Variants in CLIC6 observed in about 807,000 individuals in gnomAD.
CLIC6 encodes CLIC family member 6.
A neutral mutation model predicts 49.2 loss-of-function variants in CLIC6; 39 were observed. The ratio of observed to expected loss-of-function variants is 0.79; its 90% CI spans 0.61 to 1.04. CLIC6 has a LOEUF of 1.04. Ranked by LOEUF, CLIC6 falls within the 50% of genes least tolerant of loss-of-function variation. CLIC6 has a pLI of 0.00. For missense variants in CLIC6, 988 were observed against 993.1 expected, an observed-to-expected ratio of 0.99 and a Z score of 0.07; for synonymous variants, 446 against 433.4, an observed-to-expected ratio of 1.03 and a Z score of -0.36.
At chr21:34,714,064 C>T (rs775497994) in intron 5 of CLIC6, among the ~76,000 whole-genome samples, 67 of 152,122 alleles carry the variant, frequency 4.4e-4, no homozygotes, top group Admixed American at 6.5e-4. Flanking sequence ...AGGCAATTAC[C>T]GTTTTGACCT....
Position 34,670,302 on chromosome 21 carries a change from C to A in CLIC6, c.914C>A (p.Ser305Ter), listed in dbSNP as rs1386831475. ...EPQQSGDGSL[S>*]PQAEAIEVAA... ...CAGCAATCGGGGGACGGCAGCCTCT[C>A]GCCCCAGGCCGAGGCAATTGAGGTC... The change falls in exon 1 of 6, where the codon TCG becomes TAG. Residue 305 changes from serine (S) to a stop codon, truncating the protein, a stop_gained. Transcript: ENST00000349499. LOFTEE classifies it high-confidence loss of function. 6.9e-7 allele frequency: 1 copy of A among 1,441,296 alleles called. No individual in the cohort carries two copies. The highest frequency in any genetic ancestry group is 9.1e-7 in the Non-Finnish European group (1 of 1,100,584). 89.3% of individuals were successfully genotyped at this position (1,441,296 alleles called of 1,614,324 possible).
At chr21:34,690,306 G>A (rs562233227) in intron 1 of CLIC6, among the ~76,000 whole-genome samples, 9 of 152,146 alleles carry the variant, frequency 5.9e-5, no homozygotes, top group South Asian at 2.1e-4. Context: ...TTTTCTTCTC[G>A]AAATAGACAA....
At position 34,669,925 on chromosome 21, in the gene CLIC6, C is replaced by A; in HGVS notation, c.537C>A (p.Ser179Arg). ...NIEAEGPAGDSVEAEGRVGDS... is the reference protein window; with the variant it reads ...NIEAEGPAGDRVEAEGRVGDS... The stretch of plus-strand genomic sequence containing the variant: ...AAGCGGAGGGCCCGGCGGGCGACAG[C>A]GTAGAGGCGGAGGGCCGGGTGGGGG... The change falls in exon 1 of 6, where the codon AGC becomes AGA. Residue 179 changes from serine (S) to arginine (R), a missense_variant. Ser to Arg is a moderately radical substitution (Grantham distance 110). Coordinates refer to ENST00000349499, the MANE Select transcript of CLIC6 (RefSeq NM_053277.3). 3.1e-6 allele frequency: 4 copies of A among 1,293,788 alleles called. No homozygotes were observed. Among genetic ancestry groups the A allele is most frequent in the South Asian group, 1.8e-5 (1 of 56,454 alleles). The allele number at this position is 1,293,788 out of a possible 1,614,324, so 80.1% of individuals were successfully genotyped here.
At chr21:34,680,732 A>G (rs1989762183) in intron 1 of CLIC6, among the ~76,000 whole-genome samples, 1 of 152,172 alleles carries the variant, frequency 6.6e-6, no homozygotes, top group African/African-American at 2.4e-5. Flanking sequence ...AGTCACCTTT[A>G]TTTCAACTCC....
intron 1 of CLIC6, among the ~76,000 whole-genome samples, chr21:34,677,373 A>C (rs1989693523): frequency 6.6e-6 from 1 of 152,244 alleles, no homozygotes; most frequent in Non-Finnish European, 1.5e-5. Context: ...CTTTTGCCCC[A>C]GCTGGTACTA....
Position 34,716,862 on chromosome 21 carries a change from T to TCTCTCTCTCTCACACA in CLIC6, c.*381_*382insTCTCTCTCTCACACAC. The TCTCTCTCTCTCACACA allele has an allele frequency of 1.7e-4, 23 of 131,720 alleles. No homozygotes were observed. The highest frequency in any genetic ancestry group is 7.0e-4 in the African/African-American group (22 of 31,296). 8.2% of individuals were successfully genotyped at this position (131,720 alleles called of 1,614,324 possible). A position where few individuals can be genotyped will look rare whatever the true frequency, so the allele number is the denominator to read the frequency against. ...CTCTCTCTCTCTCTCTCTCTCTCTATCACACACACACACACACACACACAC... is the reference window on the plus strand; with the variant it reads ...CTCTCTCTCTCTCTCTCTCTCTCTATCTCTCTCTCTCACACACACACACACACACACACACACACAC... On this transcript the variant is annotated 3_prime_UTR_variant, in exon 6 of 6. Transcript: ENST00000349499.
intron 5 of CLIC6, among the ~76,000 whole-genome samples, chr21:34,715,231 C>T (rs939026300): frequency 3.3e-5 from 5 of 152,228 alleles, no homozygotes; most frequent in African/African-American, 1.2e-4. Flanking sequence ...GCCCTCCTCC[C>T]AATTCCTGTG....
chr21:34,671,224 A>G (rs1989562648), intron 1 of CLIC6, among the ~76,000 whole-genome samples: 1 of 152,150 alleles, frequency 6.6e-6, no homozygotes, highest in African/African-American at 2.4e-5. Context: ...TTGAAGCCAA[A>G]AAACGCAGAC....
chr21:34,710,984 C>A (rs549399755), intron 5 of CLIC6, among the ~76,000 whole-genome samples: 34 of 152,166 alleles, frequency 2.2e-4, no homozygotes, highest in African/African-American at 8.0e-4. Context: ...AGCACAGCAG[C>A]GCTCCCAGCC....
intron 1 of CLIC6, among the ~76,000 whole-genome samples, chr21:34,675,734 G>T (rs2834574): frequency 0.19 from 28,705 of 152,004 alleles, 2,878 homozygotes; most frequent in South Asian, 0.23. Context: ...ATTGCCTCTC[G>T]GTTCTCACCA....
chr21:34,694,135 A>ATTTTTTTTTTTTTTTTTTTTTT (rs57210806), intron 1 of CLIC6, among the ~76,000 whole-genome samples: 2 of 128,420 alleles, frequency 1.6e-5, no homozygotes, highest in African/African-American at 6.3e-5. Context: ...CGCCTGGTTA[A>ATTTTTTTTTTTTTTTTTTTTTT]TTTTTTTTTT....
chr21:34,677,003 T>A (rs1167021207), intron 1 of CLIC6, among the ~76,000 whole-genome samples: 1 of 152,022 alleles, frequency 6.6e-6, no homozygotes, highest in Non-Finnish European at 1.5e-5. Context: ...TTCTTCACAA[T>A]ATAGAGAGTT....
intron 1 of CLIC6, 57 bp from the exon 2 acceptor site, chr21:34,707,223 G>A (rs2056020589): frequency 3.1e-6 from 4 of 1,281,366 alleles, no homozygotes; most frequent in Non-Finnish European, 4.6e-6. Context: ...ATGTTGTGGT[G>A]TTGGCACTTA....
intron 1 of CLIC6, among the ~76,000 whole-genome samples, chr21:34,689,656 G>A (rs1989952168): frequency 6.6e-6 from 1 of 150,792 alleles, no homozygotes; most frequent in Non-Finnish European, 1.5e-5. Context: ...CACTGATACT[G>A]CTTGACACAG....
At chr21:34,700,393 G>A (rs1450510946) in intron 1 of CLIC6, among the ~76,000 whole-genome samples, 1 of 131,236 alleles carries the variant, frequency 7.6e-6, no homozygotes, top group Non-Finnish European at 1.6e-5. Flanking sequence ...CTTGCAGTGA[G>A]CCGAGATCGC....
At chr21:34,679,906 T>C (rs1198177490) in intron 1 of CLIC6, among the ~76,000 whole-genome samples, 1 of 152,206 alleles carries the variant, frequency 6.6e-6, no homozygotes, top group Admixed American at 6.5e-5. Flanking sequence ...CACGGACTGG[T>C]GTTGAGTGTC....
chr21:34,713,461 A>G (rs1420921441), intron 5 of CLIC6, among the ~76,000 whole-genome samples: 1 of 152,356 alleles, frequency 6.6e-6, no homozygotes, highest in South Asian at 2.1e-4. Context: ...ACAGACGAAG[A>G]CATTGCTGAA....
In CLIC6 at chr21:34,670,229, G is replaced by A; in HGVS notation, c.841G>A (p.Asp281Asn). 7.0e-7 allele frequency: 1 copy of A among 1,420,774 alleles called. No homozygotes were observed. The highest frequency in any genetic ancestry group is 1.5e-5 in the South Asian group (1 of 66,204). The allele number at this position is 1,420,774 out of a possible 1,614,324, so 88.0% of individuals were successfully genotyped here. ...EAEGPAGDSMDAEGPAGRARR... is the reference protein window; with the variant it reads ...EAEGPAGDSMNAEGPAGRARR... ...CGAAGGCCCGGCGGGGGACAGCATG[G>A]ACGCCGAGGGTCCGGCAGGAAGGGC... Residue 281 changes from aspartate (D) to asparagine (N), a missense_variant, in exon 1 of 6, where the codon GAC becomes AAC. By Grantham distance (23) the Asp-to-Asn change is conservative. This residue lies in a region of CLIC6 where 647 missense variants were observed against 596.9 expected (regional missense o/e 1.08). Transcript: ENST00000349499.
In CLIC6 at chr21:34,698,254, C is replaced by T. The variant is rs981593361; in HGVS notation, c.1375-9026C>T. 2.9e-4 allele frequency among the ~76,000 whole-genome samples: 44 copies of T among 152,236 alleles called. 1 individual carries two copies. Among genetic ancestry groups the T allele is most frequent in the African/African-American group, 9.9e-4 (41 of 41,530 alleles). ...GTGGGAAGAAAATTCACATGGGCCA[C>T]GCCACAAGGAGGCATTAGCACTTGT... On this transcript the variant is annotated intron_variant, in intron 1 of 5. Coordinates refer to ENST00000349499, the MANE Select transcript of CLIC6 (RefSeq NM_053277.3).
Sources: gnomAD v4.1 joint callset for allele counts (sites outside exome capture counted in the v4.1 genomes callset) on GRCh38, gnomAD v4.1.1 for gene constraint, gnomAD v4.1.1 regional missense constraint, MANE v1.5 for transcripts, NCBI Gene and HGNC (gene_info 2026-07-23, HGNC 2026-07-21) for gene names.